AKAP11: variants seen among roughly 807,000 people sequenced by gnomAD.
AKAP11 encodes A-kinase anchoring protein 11, also known as A-kinase anchor protein 11.
AKAP11 carries 36 observed loss-of-function variants against 146.1 expected under a neutral mutation model. That is an observed-to-expected ratio of 0.25 (90% confidence interval 0.19 to 0.33). AKAP11 has a LOEUF of 0.33. Among genes scored for constraint, AKAP11 ranks in the 10% least tolerant of loss-of-function variants. AKAP11 has a pLI of 1.00. For synonymous variants in AKAP11, 780 were observed against 786.5 expected (o/e 0.99, Z 0.14); for missense variants, 2,201 against 2,197.0 (o/e 1.00, Z -0.04).
In AKAP11 at chr13:42,299,869, A is replaced by C. The variant is rs1304592763; in HGVS notation, c.1123A>C (p.Asn375His). The change falls in exon 8 of 13, where the codon AAC becomes CAC. Residue 375 changes from asparagine (N) to histidine (H), a missense_variant. By Grantham distance (68) the Asn-to-His change is moderately conservative. Around this residue, in one of 3 missense-constraint regions of AKAP11, gnomAD observed 1,867 missense variants for 1,833.5 expected, o/e 1.02. Transcript: ENST00000025301. ...ACAAACTTTAGAGACTTGCCTGTTTAACAAAGATCCCGTCATAGGGAAGTC... is the reference window on the plus strand; with the variant it reads ...ACAAACTTTAGAGACTTGCCTGTTTCACAAAGATCCCGTCATAGGGAAGTC... ...LEQTLETCLF[N>H]KDPVIGKSSQ... The C allele has an allele frequency of 1.2e-6, 2 of 1,613,856 alleles. No individual in the cohort carries two copies. The highest frequency in any genetic ancestry group is 2.2e-5 in the South Asian group (2 of 91,066).
intron 8 of AKAP11, among the ~76,000 whole-genome samples, chr13:42,307,814 G>T (rs999888474): frequency 6.6e-6 from 1 of 152,148 alleles, no homozygotes; most frequent in Admixed American, 6.5e-5. Flanking sequence ...TCCGAAGACT[G>T]ACATTTTTTC....
At chr13:42,308,929 CT>C (rs1323762479) in intron 9 of AKAP11, among the ~76,000 whole-genome samples, 2 of 151,346 alleles carry the variant, frequency 1.3e-5, no homozygotes, top group Admixed American at 6.6e-5. Flanking sequence ...AAAAAGGGTA[CT>C]TTTTTTTCTT....
At chr13:42,304,655 C>A (rs151324345) in intron 8 of AKAP11, among the ~76,000 whole-genome samples, 1 of 152,170 alleles carries the variant, frequency 6.6e-6, no homozygotes, top group Non-Finnish European at 1.5e-5. Context: ...TACATACTTA[C>A]ACCATTTCTC....
In AKAP11 at chr13:42,301,676, A is replaced by G; in HGVS notation, c.2930A>G (p.Glu977Gly). The G allele has an allele frequency of 1.9e-6, 3 of 1,614,168 alleles. No homozygotes were observed. The highest frequency in any genetic ancestry group is 2.7e-5 in the African/African-American group (2 of 75,062). ...YKESLPVSGE[E>G]SQLTPEKSPK... Reference sequence around the variant, plus strand: ...GAAAGCTTGCCTGTTTCTGGAGAAGAATCACAGTTGACACCAGAAAAGTCT... The same window carrying G: ...GAAAGCTTGCCTGTTTCTGGAGAAGGATCACAGTTGACACCAGAAAAGTCT... Residue 977 changes from glutamate (E) to glycine (G), a missense_variant, in exon 8 of 13, where the codon GAA becomes GGA. Around this residue, in one of 3 missense-constraint regions of AKAP11, gnomAD observed 1,867 missense variants for 1,833.5 expected, o/e 1.02. Coordinates refer to ENST00000025301, the MANE Select transcript of AKAP11 (RefSeq NM_016248.4).
intron 3 of AKAP11, among the ~76,000 whole-genome samples, chr13:42,289,403 G>C (rs1959189093): frequency 6.6e-6 from 1 of 152,116 alleles, no homozygotes; most frequent in Non-Finnish European, 1.5e-5. Context: ...TAATTTATTT[G>C]TAATGCTCTG....
chr13:42,272,943 A>AT (rs1278964545), intron 1 of AKAP11, among the ~76,000 whole-genome samples: 1 of 151,940 alleles, frequency 6.6e-6, no homozygotes, highest in African/African-American at 2.4e-5. Context: ...AAAAGCTAAC[A>AT]TTTTTTCTCT....
Position 42,320,084 on chromosome 13 carries a change from T to C in AKAP11, c.*856T>C, listed in dbSNP as rs1008022926. ...AAAGATTGTGCAGTAAGAATTTTTA[T>C]TGACAATAATTAAAATTTTTTTTGA... On this transcript the variant is annotated 3_prime_UTR_variant, in exon 13 of 13. Coordinates refer to ENST00000025301, the MANE Select transcript of AKAP11 (RefSeq NM_016248.4). 2 of 152,730 alleles carry C rather than the reference T, an allele frequency of 1.3e-5. No homozygotes were observed. The highest frequency in any genetic ancestry group is 6.5e-5 in the Admixed American group (1 of 15,288). The allele number at this position is 152,730 out of a possible 1,614,324, so 9.5% of individuals were successfully genotyped here.
At chr13:42,305,389 G>A (rs1196913958) in intron 8 of AKAP11, among the ~76,000 whole-genome samples, 1 of 152,156 alleles carries the variant, frequency 6.6e-6, no homozygotes, top group Admixed American at 6.6e-5. Context: ...GGTGAACTAG[G>A]AGAGGTCTCT....
rs79681827 is a variant in AKAP11, at chr13:42,300,953, C to T, written c.2207C>T (p.Ser736Leu). Residue 736 changes from serine (S) to leucine (L), a missense_variant, in exon 8 of 13, where the codon TCG becomes TTG. Around this residue, in one of 3 missense-constraint regions of AKAP11, gnomAD observed 1,867 missense variants for 1,833.5 expected, o/e 1.02. Transcript: ENST00000025301. ...KYVSAESVVP[S>L]TQAVTFSPSF... ...GTGAGTGCAGAAAGTGTAGTGCCAT[C>T]GACACAGGCTGTCACGTTTTCCCCT... The T allele has an allele frequency of 7.2e-3, 11,690 of 1,614,064 alleles. 58 individuals carry two copies. Among genetic ancestry groups the T allele is most frequent in the African/African-American group, 0.014 (1,062 of 75,030 alleles).
At chr13:42,275,655 A>G (rs747804682) in intron 1 of AKAP11, among the ~76,000 whole-genome samples, 2 of 152,224 alleles carry the variant, frequency 1.3e-5, no homozygotes, top group Non-Finnish European at 2.9e-5. Flanking sequence ...AGATCTAACC[A>G]GTAGTCTCTT....
chr13:42,302,216 T>C lies in AKAP11; in HGVS notation c.3470T>C (p.Ile1157Thr), dbSNP rs1229834311. Residue 1157 changes from isoleucine (I) to threonine (T), a missense_variant, in exon 8 of 13, where the codon ATA becomes ACA. Physicochemically the swap from Ile to Thr is moderately conservative, Grantham distance 89. Around this residue, in one of 3 missense-constraint regions of AKAP11, gnomAD observed 1,867 missense variants for 1,833.5 expected, o/e 1.02. Coordinates refer to ENST00000025301, the MANE Select transcript of AKAP11 (RefSeq NM_016248.4). ...GSLSENEQNT[I>T]EKEEFMLKLM... ...TTGTCTGAGAATGAACAAAATACTA[T>C]AGAAAAAGAAGAGTTCATGTTGAAA... 3.1e-6 allele frequency: 5 copies of C among 1,614,076 alleles called. No individual in the cohort carries two copies. Among genetic ancestry groups the C allele is most frequent in the East Asian group, 4.5e-5 (2 of 44,892 alleles).
At chr13:42,293,775 C>T (rs1959337234) in intron 4 of AKAP11, among the ~76,000 whole-genome samples, 1 of 152,142 alleles carries the variant, frequency 6.6e-6, no homozygotes, top group Admixed American at 6.5e-5. Flanking sequence ...CCTATGCCAG[C>T]TTATTTTCTC....
At chr13:42,318,073 G>A (rs904444319) in intron 12 of AKAP11, among the ~76,000 whole-genome samples, 5 of 152,132 alleles carry the variant, frequency 3.3e-5, no homozygotes, top group Non-Finnish European at 5.9e-5. Context: ...TAATTGATTT[G>A]TAATTGTACC....
At chr13:42,276,885 C>T (rs1958934658) in intron 1 of AKAP11, among the ~76,000 whole-genome samples, 1 of 152,128 alleles carries the variant, frequency 6.6e-6, no homozygotes, top group African/African-American at 2.4e-5. Flanking sequence ...AGAGTCATGG[C>T]GTCATAGATG....
intron 1 of AKAP11, among the ~76,000 whole-genome samples, chr13:42,276,578 T>A (rs1301481082): frequency 6.6e-6 from 1 of 152,230 alleles, no homozygotes; most frequent in Non-Finnish European, 1.5e-5. Flanking sequence ...TATAAAATAC[T>A]GTCTTCCAGT....
chr13:42,317,468 C>A, intron 11 of AKAP11, 60 bp from the exon 12 acceptor site: 1 of 1,482,418 alleles, frequency 6.7e-7, no homozygotes. Context: ...ACTTGACAAC[C>A]AGAGTATTGA....
At position 42,299,422 on chromosome 13, in the gene AKAP11, C is replaced by A. The variant is rs1216014809; in HGVS notation, c.676C>A (p.His226Asn). 2 of 1,613,720 alleles carry A rather than the reference C, an allele frequency of 1.2e-6. No individual in the cohort carries two copies. The highest frequency in any genetic ancestry group is 1.3e-5 in the African/African-American group (1 of 74,906). ...TGCTGCTTCCCAGACGGTTACTGGT[C>A]ATCATTTAGAAACCCATGATTTAAA... Reference protein sequence around the residue: ...CDAASQTVTGHHLETHDLKIL... With the variant: ...CDAASQTVTGNHLETHDLKIL... The change falls in exon 8 of 13, where the codon CAT becomes AAT. Residue 226 changes from histidine to asparagine, a missense_variant. Coordinates refer to ENST00000025301, the MANE Select transcript of AKAP11 (RefSeq NM_016248.4).
intron 1 of AKAP11, among the ~76,000 whole-genome samples, chr13:42,281,980 CTTTT>C (rs374402483): frequency 1.4e-5 from 2 of 141,480 alleles, no homozygotes; most frequent in African/African-American, 2.6e-5. Context: ...TTTTTTCTTT[CTTTT>C]TTTTTTTTTT....
intron 1 of AKAP11, among the ~76,000 whole-genome samples, chr13:42,280,118 A>G (rs984479568): frequency 6.6e-6 from 1 of 152,126 alleles, no homozygotes; most frequent in African/African-American, 2.4e-5. Context: ...CTCCAAACTG[A>G]TCTGTGTTTA....
Sources: allele counts gnomAD v4.1 joint callset (sites outside exome capture counted in the v4.1 genomes callset), GRCh38; gene constraint gnomAD v4.1.1; regional missense constraint gnomAD v4.1.1; transcripts MANE v1.5; gene names NCBI Gene and HGNC (gene_info 2026-07-23, HGNC 2026-07-21).